Variants in DLGAP4 observed in about 807,000 individuals in gnomAD.
The protein encoded by DLGAP4 is disks large-associated protein 4.
A neutral mutation model predicts 86.9 loss-of-function variants in DLGAP4; 18 were observed. That is an observed-to-expected ratio of 0.21 (90% CI 0.14 to 0.31). The LOEUF is 0.31. Ranked by LOEUF, DLGAP4 falls within the 10% of genes least tolerant of loss-of-function variation. DLGAP4 has a pLI of 1.00. For synonymous variants in DLGAP4, 548 were observed against 574.3 expected (o/e 0.95, Z 0.65); for missense variants, 1,085 against 1,362.6 (o/e 0.80, Z 3.21).
chr20:36,360,835 G>T (rs1419391437), intron 1 of DLGAP4, among the ~76,000 whole-genome samples: 1 of 151,984 alleles, frequency 6.6e-6, no homozygotes, highest in Non-Finnish European at 1.5e-5. Flanking sequence ...GTGAATCATG[G>T]TGTCATCAGG....
chr20:36,469,546 A>C (rs2034564800), intron 7 of DLGAP4, among the ~76,000 whole-genome samples: 2 of 152,182 alleles, frequency 1.3e-5, no homozygotes, highest in Admixed American at 1.3e-4. Flanking sequence ...TGAGGTCAGG[A>C]GTTCGAGACC....
intron 2 of DLGAP4, among the ~76,000 whole-genome samples, chr20:36,380,870 G>A (rs2147443995): frequency 6.6e-6 from 1 of 152,272 alleles, no homozygotes; most frequent in African/African-American, 2.4e-5. Context: ...TCCTACCAGG[G>A]AAACAAAGAC....
At chr20:36,354,700 G>C (rs782366193) in intron 1 of DLGAP4, among the ~76,000 whole-genome samples, 7 of 152,194 alleles carry the variant, frequency 4.6e-5, no homozygotes, top group Non-Finnish European at 1.0e-4. Flanking sequence ...GCTGAGGCAG[G>C]AGAGTCACTT....
At chr20:36,337,372 G>C (rs1271794494) in intron 1 of DLGAP4, among the ~76,000 whole-genome samples, 1 of 152,192 alleles carries the variant, frequency 6.6e-6, no homozygotes, top group South Asian at 2.1e-4. Context: ...AGGGGGCAAG[G>C]CCCGCTGGGT....
chr20:36,330,706 G>T (rs2065258897), intron 1 of DLGAP4, among the ~76,000 whole-genome samples: 1 of 151,940 alleles, frequency 6.6e-6, no homozygotes, highest in Non-Finnish European at 1.5e-5. Context: ...CCGAGTAGCT[G>T]GGACTATAGG....
At chr20:36,376,711 C>T (rs946750002) in intron 2 of DLGAP4, among the ~76,000 whole-genome samples, 1 of 152,106 alleles carries the variant, frequency 6.6e-6, no homozygotes, top group African/African-American at 2.4e-5. Flanking sequence ...TCAGTGTCCC[C>T]AGGTGGAGCC....
chr20:36,322,265 G>A (rs529778078), intron 1 of DLGAP4, among the ~76,000 whole-genome samples: 1 of 152,300 alleles, frequency 6.6e-6, no homozygotes, highest in South Asian at 2.1e-4. Flanking sequence ...CAGGGAAGAG[G>A]AAGGAAGATG....
chr20:36,363,324 A>G (rs2030581357), intron 1 of DLGAP4, among the ~76,000 whole-genome samples: 1 of 152,194 alleles, frequency 6.6e-6, no homozygotes, highest in African/African-American at 2.4e-5. Context: ...CAGTGAGGCC[A>G]TGGGGAGTGT....
intron 10 of DLGAP4, among the ~76,000 whole-genome samples, chr20:36,505,014 GTC>G (rs1277902598): frequency 6.7e-6 from 1 of 149,668 alleles, no homozygotes; most frequent in Non-Finnish European, 1.5e-5. Context: ...TTGAGACGGA[GTC>G]TCGCTCTGTT....
chr20:36,497,267 A>G, intron 8 of DLGAP4: 1 of 985,426 alleles, frequency 1.0e-6, no homozygotes, highest in East Asian at 1.1e-4. Flanking sequence ...GCTGCTGGTC[A>G]GCAGCTGTGG....
chr20:36,355,324 G>T (rs1302166884), intron 1 of DLGAP4, among the ~76,000 whole-genome samples: 6 of 148,248 alleles, frequency 4.0e-5, no homozygotes, highest in East Asian at 2.0e-4. Context: ...AAGAGACAGG[G>T]TCTCACTCTG....
intron 5 of DLGAP4, 31 bp downstream of exon 5, chr20:36,439,899 G>A (rs779624775): frequency 1.4e-5 from 22 of 1,584,896 alleles, no homozygotes; most frequent in Non-Finnish European, 1.7e-5. Flanking sequence ...GGAGAGTCAG[G>A]GGGCTTGGGT....
rs989160277 is a variant in DLGAP4 at position 36,307,126 on chromosome 20, G to T, written c.-304+614G>T. Reference sequence around the variant, plus strand: ...GGCGGGGGCAGCACCCCCCTCCCGCGCTGCATAGCGCCCCCTCCCTGTTTG... The same window carrying T: ...GGCGGGGGCAGCACCCCCCTCCCGCTCTGCATAGCGCCCCCTCCCTGTTTG... On this transcript the variant is annotated intron_variant, in intron 1 of 12. Transcript: ENST00000339266. Among the ~76,000 whole-genome samples the T allele has an allele frequency of 2.6e-5, 4 of 152,248 alleles. No homozygotes were observed. In the East Asian group the frequency reaches 7.8e-4, roughly 30 times the overall value.
intron 2 of DLGAP4, among the ~76,000 whole-genome samples, chr20:36,369,070 C>T (rs2030813870): frequency 1.3e-5 from 2 of 152,174 alleles, no homozygotes; most frequent in African/African-American, 2.4e-5. Context: ...CAGCCGTCAG[C>T]ATCGCGTGGA....
At chr20:36,423,541 T>G (rs2032890806) in intron 2 of DLGAP4, among the ~76,000 whole-genome samples, 1 of 150,888 alleles carries the variant, frequency 6.6e-6, no homozygotes. Flanking sequence ...CGTGCAGCAT[T>G]CCTCACCTGG....
At chr20:36,344,546 T>C (rs1205722346) in intron 1 of DLGAP4, among the ~76,000 whole-genome samples, 2 of 152,236 alleles carry the variant, frequency 1.3e-5, no homozygotes, top group African/African-American at 4.8e-5. Flanking sequence ...AAAGAGGAGC[T>C]GGCCTGAGAT....
intron 1 of DLGAP4, among the ~76,000 whole-genome samples, chr20:36,322,164 A>T (rs1170216494): frequency 6.6e-6 from 1 of 152,172 alleles, no homozygotes; most frequent in African/African-American, 2.4e-5. Flanking sequence ...GATGAGGAGA[A>T]GTTGCCCCAG....
intron 1 of DLGAP4, among the ~76,000 whole-genome samples, chr20:36,329,134 G>A (rs1052742944): frequency 2.0e-5 from 3 of 152,108 alleles, no homozygotes; most frequent in African/African-American, 4.8e-5. Flanking sequence ...GGTCTTGAAC[G>A]CCTGACCTCA....
intron 1 of DLGAP4, among the ~76,000 whole-genome samples, chr20:36,358,048 G>A (rs1555893976): frequency 1.3e-5 from 2 of 152,326 alleles, no homozygotes; most frequent in Admixed American, 6.5e-5. Flanking sequence ...CAGGGAGTCC[G>A]AGCCAGCTCT....
Sources: gnomAD v4.1 joint callset for allele counts (sites outside exome capture counted in the v4.1 genomes callset) on GRCh38, gnomAD v4.1.1 for gene constraint, MANE v1.5 for transcripts, NCBI Gene and HGNC (gene_info 2026-07-23, HGNC 2026-07-21) for gene names.